CEP63: variants seen among roughly 807,000 people sequenced by gnomAD.
CEP63 encodes the protein centrosomal protein 63, also known as centrosomal protein of 63 kDa.
In CEP63, 84 loss-of-function variants were observed where a neutral mutation model predicts 89.1. The ratio of observed to expected loss-of-function variants is 0.94; its 90% CI spans 0.79 to 1.13. The LOEUF is 1.13. Among genes scored for constraint, CEP63 ranks in the 50% most tolerant of loss-of-function variants. The pLI is 0.00. For synonymous variants in CEP63, 267 were observed against 272.5 expected, an observed-to-expected ratio of 0.98 and a Z score of 0.20; for missense variants, 838 against 813.3, an observed-to-expected ratio of 1.03 and a Z score of -0.37.
chr3:134,704,636 C>G, the CEP63 span, among the ~76,000 whole-genome samples: 1 of 152,222 alleles, frequency 6.6e-6, no homozygotes, highest in Non-Finnish European at 1.5e-5. Context: ...TCCTCTGGAG[C>G]CAGGGCTTGC....
chr3:134,685,446 T>C, the CEP63 span, among the ~76,000 whole-genome samples: 1 of 152,212 alleles, frequency 6.6e-6, no homozygotes, highest in Non-Finnish European at 1.5e-5. Flanking sequence ...CCTTTGCCTT[T>C]TGTTCTAGAG....
chr3:134,603,622 T>C, the CEP63 span: 9 of 1,603,676 alleles, frequency 5.6e-6, no homozygotes, highest in Non-Finnish European at 7.7e-6. Context: ...GGAGTAGAAA[T>C]TGTGGTTGGC....
the CEP63 span, among the ~76,000 whole-genome samples, chr3:134,718,093 G>C: frequency 1.2e-4 from 18 of 152,178 alleles, no homozygotes; most frequent in African/African-American, 3.9e-4. Flanking sequence ...TGGAGGGTCT[G>C]TTAAATCCAA....
intron 6 of CEP63, among the ~76,000 whole-genome samples, chr3:134,540,865 A>G (rs1209760933): frequency 6.7e-6 from 1 of 149,594 alleles, no homozygotes; most frequent in Admixed American, 6.7e-5. Flanking sequence ...GCTGACTGCA[A>G]CCTCTGCCTC....
chr3:134,676,800 G>A, the CEP63 span, among the ~76,000 whole-genome samples: 1 of 152,150 alleles, frequency 6.6e-6, no homozygotes, highest in African/African-American at 2.4e-5. Flanking sequence ...CTAGGTTGGG[G>A]TGGGTCGGAT....
the CEP63 span, among the ~76,000 whole-genome samples, chr3:134,725,682 G>A: frequency 6.6e-6 from 1 of 152,218 alleles, no homozygotes; most frequent in Admixed American, 6.5e-5. Flanking sequence ...TGACTTGTAA[G>A]CACCAGAACT....
chr3:134,625,201 T>C, the CEP63 span: 11 of 1,276,838 alleles, frequency 8.6e-6, no homozygotes, highest in Non-Finnish European at 1.2e-5. Context: ...GGCCTAGGCC[T>C]TGCTGTCTCT....
the CEP63 span, among the ~76,000 whole-genome samples, chr3:134,664,368 C>T: frequency 6.6e-6 from 1 of 152,172 alleles, no homozygotes. Context: ...GCCAGGCACA[C>T]AGTAGTGACT....
the CEP63 span, among the ~76,000 whole-genome samples, chr3:134,594,213 T>C: frequency 6.6e-6 from 1 of 152,178 alleles, no homozygotes; most frequent in African/African-American, 2.4e-5. Context: ...TTTACCCAGA[T>C]GGGAGCTGCC....
At chr3:134,548,730 A>G (rs921260350) in intron 9 of CEP63, among the ~76,000 whole-genome samples, 1 of 152,234 alleles carries the variant, frequency 6.6e-6, no homozygotes, top group African/African-American at 2.4e-5. Context: ...TACATGTTAA[A>G]TACACAAACA....
chr3:134,734,545 T>G, the CEP63 span, among the ~76,000 whole-genome samples: 6 of 152,180 alleles, frequency 3.9e-5, no homozygotes, highest in Non-Finnish European at 8.8e-5. Context: ...AATTACAGAC[T>G]CTGCAGATAT....
At chr3:134,622,934 C>T in the CEP63 span, among the ~76,000 whole-genome samples, 3 of 152,198 alleles carry the variant, frequency 2.0e-5, no homozygotes, top group Non-Finnish European at 4.4e-5. Flanking sequence ...ACCACTGGCC[C>T]AGCACACTGG....
the CEP63 span, among the ~76,000 whole-genome samples, chr3:134,613,558 G>C: frequency 6.6e-6 from 1 of 152,226 alleles, no homozygotes; most frequent in Non-Finnish European, 1.5e-5. Context: ...CATGGGCAGA[G>C]AGAAATGTTG....
the CEP63 span, among the ~76,000 whole-genome samples, chr3:134,763,705 AG>A: frequency 6.8e-3 from 1,033 of 152,340 alleles, 8 homozygotes; most frequent in Non-Finnish European, 0.01. Flanking sequence ...CTCCAGATCA[AG>A]GGTCTTCATT....
chr3:134,499,328 G>C (rs1258067575), intron 2 of CEP63, among the ~76,000 whole-genome samples: 1 of 152,016 alleles, frequency 6.6e-6, no homozygotes, highest in African/African-American at 2.4e-5. Flanking sequence ...AATCTCTAAT[G>C]ACCCTTTGTA....
intron 6 of CEP63, among the ~76,000 whole-genome samples, chr3:134,545,181 G>C (rs975260744): frequency 6.6e-6 from 1 of 151,972 alleles, no homozygotes; most frequent in African/African-American, 2.4e-5. Flanking sequence ...TGTATTTTTA[G>C]TAGAGACGGG....
At chr3:134,771,919 C>A in the CEP63 span, among the ~76,000 whole-genome samples, 3 of 152,206 alleles carry the variant, frequency 2.0e-5, no homozygotes, top group African/African-American at 7.2e-5. Context: ...TGTCCACTGA[C>A]CCTTGAGAAA....
the CEP63 span, chr3:134,615,101 T>C: frequency 1.3e-5 from 2 of 152,366 alleles, no homozygotes; most frequent in African/African-American, 2.4e-5. Flanking sequence ...ATTTCTCCCA[T>C]GTGCTCTCTT....
intron 6 of CEP63, 49 bp from the exon 7 acceptor site, chr3:134,545,537 T>G: frequency 7.7e-7 from 1 of 1,297,882 alleles, no homozygotes; most frequent in Non-Finnish European, 1.1e-6. Context: ...ATTCATTGAT[T>G]ATTTTATCAT....
Sources: allele counts gnomAD v4.1 joint callset (sites outside exome capture counted in the v4.1 genomes callset), GRCh38; gene constraint gnomAD v4.1.1; transcripts MANE v1.5; gene names NCBI Gene and HGNC (gene_info 2026-07-23, HGNC 2026-07-21).